The following MALRD1 variants were observed in gnomAD, a reference collection of about 807,000 sequenced individuals.
MALRD1 encodes the protein MAM and LDL-receptor class A domain-containing protein 1.
MALRD1 carries 247 observed loss-of-function variants against 242.1 expected under a neutral mutation model. The ratio of observed to expected loss-of-function variants is 1.02; its 90% confidence interval spans 0.92 to 1.13. MALRD1 has a LOEUF of 1.13. Among genes scored for constraint, MALRD1 ranks in the 50% most tolerant of loss-of-function variants. The pLI is 0.00. For synonymous variants in MALRD1, 995 were observed against 866.6 expected, an observed-to-expected ratio of 1.15 and a Z score of -2.60; for missense variants, 2,989 against 2,533.1, an observed-to-expected ratio of 1.18 and a Z score of -3.86.
In MALRD1 at chr10:19,548,312, C is replaced by T. The variant is rs1025432731; in HGVS notation, c.5478+16961C>T. ...CCACGCCTGGCCTACTTGAGTCATT[C>T]GATGGGTTGATTAGATTTTCTTTTT... On this transcript the variant is annotated intron_variant, in intron 32 of 39. Transcript: ENST00000454679. Among the ~76,000 whole-genome samples, 7 of 151,888 alleles carry T rather than the reference C, an allele frequency of 4.6e-5. No homozygotes were observed. In the South Asian group the frequency reaches 1.0e-3, roughly 22 times the overall value.
intron 36 of MALRD1, among the ~76,000 whole-genome samples, chr10:19,655,500 A>ATG (rs1199786143): frequency 4.8e-5 from 7 of 145,342 alleles, no homozygotes; most frequent in Non-Finnish European, 7.5e-5. Context: ...GTACATATAT[A>ATG]TGTGTGTGTG....
chr10:19,237,308 T>A (rs577330912), intron 18 of MALRD1, among the ~76,000 whole-genome samples: 110 of 151,176 alleles, frequency 7.3e-4, no homozygotes, highest in Non-Finnish European at 6.8e-4. Context: ...TCTTCCTCAC[T>A]GTTTGGTAAC....
Position 19,209,643 on chromosome 10 carries a change from G to C in MALRD1, c.2954G>C (p.Arg985Thr). 1 of 1,550,754 alleles carries C rather than the reference G, an allele frequency of 6.4e-7. No homozygotes were observed. The highest frequency in any genetic ancestry group is 2.4e-5 in the East Asian group (1 of 40,924). Residue 985 changes from arginine to threonine, a missense_variant, in exon 18 of 40, where the codon AGG becomes ACG. Transcript: ENST00000454679. ...IFGNQGNRWI[R>T]KHLNISSRQP... is the part of the protein sequence containing the mutation. ...GGGAATCAAGGCAACAGATGGATTA[G>C]GAAACACCTCAACATTTCCAGCAGG...
chr10:19,415,562 A>T (rs1224065310), intron 28 of MALRD1, among the ~76,000 whole-genome samples: 1 of 152,200 alleles, frequency 6.6e-6, no homozygotes, highest in Non-Finnish European at 1.5e-5. Context: ...TCAAGCAGGA[A>T]AGCAAGACTT....
chr10:19,420,793 AG>A (rs1833692456), intron 28 of MALRD1, among the ~76,000 whole-genome samples: 1 of 152,200 alleles, frequency 6.6e-6, no homozygotes, highest in African/African-American at 2.4e-5. Context: ...TGCAGTGCAC[AG>A]GGGTAGCAAC....
At chr10:19,534,871 TTTG>T (rs10606895) in intron 32 of MALRD1, among the ~76,000 whole-genome samples, 127,968 of 151,186 alleles carry the variant, frequency 0.85, 54,179 homozygotes, top group Admixed American at 0.85. Flanking sequence ...TTATAAAGTT[TTTG>T]TTGTTGTTGT....
chr10:19,562,381 A>G (rs1398731726), intron 32 of MALRD1, among the ~76,000 whole-genome samples: 1 of 152,062 alleles, frequency 6.6e-6, no homozygotes, highest in Non-Finnish European at 1.5e-5. Context: ...AGAGAACTTG[A>G]TGAGACTTCT....
chr10:19,444,235 A>T (rs1834834067), intron 28 of MALRD1, among the ~76,000 whole-genome samples: 1 of 152,102 alleles, frequency 6.6e-6, no homozygotes, highest in Admixed American at 6.5e-5. Context: ...TCAATACAGC[A>T]CACTGATGGG....
At chr10:19,530,415 A>AAATAG in intron 31 of MALRD1, among the ~76,000 whole-genome samples, 1 of 19,342 alleles carries the variant, frequency 5.2e-5, no homozygotes, top group Middle Eastern at 0.019. Flanking sequence ...ATATTTATAT[A>AAATAG]ATAATAAATA....
intron 18 of MALRD1, among the ~76,000 whole-genome samples, chr10:19,226,748 G>A (rs1837818548): frequency 1.3e-5 from 2 of 152,032 alleles, no homozygotes; most frequent in Non-Finnish European, 2.9e-5. Flanking sequence ...ATTCTCATGT[G>A]ATGTAAACAT....
intron 26 of MALRD1, among the ~76,000 whole-genome samples, chr10:19,359,003 G>A (rs1588962651): frequency 6.6e-6 from 1 of 152,074 alleles, no homozygotes; most frequent in Non-Finnish European, 1.5e-5. Flanking sequence ...AAATGGAGAA[G>A]AAAGAACAGT....
At chr10:19,094,707 T>G (rs1835957369) in intron 4 of MALRD1, among the ~76,000 whole-genome samples, 1 of 152,236 alleles carries the variant, frequency 6.6e-6, no homozygotes, top group African/African-American at 2.4e-5. Flanking sequence ...GGAAGGAGAC[T>G]GTTTAAATAC....
chr10:19,664,826 C>T (rs1841605334), intron 36 of MALRD1, among the ~76,000 whole-genome samples: 1 of 151,822 alleles, frequency 6.6e-6, no homozygotes, highest in African/African-American at 2.4e-5. Context: ...GTTTGTTAAC[C>T]ATTGGAATGC....
chr10:19,280,289 A>G, intron 20 of MALRD1, 66 bp downstream of exon 20: 1 of 1,260,672 alleles, frequency 7.9e-7, no homozygotes. Context: ...GTAATCTCTA[A>G]GTAGCACAGC....
At chr10:19,590,936 T>G (rs1183314377) in intron 33 of MALRD1, among the ~76,000 whole-genome samples, 1 of 152,182 alleles carries the variant, frequency 6.6e-6, no homozygotes, top group Non-Finnish European at 1.5e-5. Context: ...GTTTCACTCT[T>G]TGTGTTGAAA....
chr10:19,669,783 A>G (rs1002011544), intron 36 of MALRD1, among the ~76,000 whole-genome samples: 12 of 152,238 alleles, frequency 7.9e-5, no homozygotes, highest in Non-Finnish European at 1.5e-4. Flanking sequence ...TAACTTCTGA[A>G]TATGAATTTA....
chr10:19,484,076 G>A (rs554042036), intron 29 of MALRD1, among the ~76,000 whole-genome samples: 6 of 152,236 alleles, frequency 3.9e-5, no homozygotes, highest in African/African-American at 7.2e-5. Context: ...AACCTTGGGT[G>A]CTCATGGACA....
intron 38 of MALRD1, chr10:19,725,057 T>C (rs1211524185): frequency 1.3e-5 from 2 of 152,144 alleles, no homozygotes; most frequent in African/African-American, 4.8e-5. Context: ...CACAAAGCAT[T>C]ATTGAAAGAA....
chr10:19,129,964 A>C (rs1235841614), intron 8 of MALRD1, among the ~76,000 whole-genome samples: 2 of 150,936 alleles, frequency 1.3e-5, no homozygotes, highest in African/African-American at 4.8e-5. Flanking sequence ...CTATCTCCCC[A>C]CACATCCATA....
Sources: allele counts gnomAD v4.1 joint callset (sites outside exome capture counted in the v4.1 genomes callset), GRCh38; gene constraint gnomAD v4.1.1; transcripts MANE v1.5; gene names NCBI Gene and HGNC (gene_info 2026-07-23, HGNC 2026-07-21).